ACOT12: variants seen among roughly 807,000 people sequenced by gnomAD.
ACOT12 encodes the protein acyl-CoA thioesterase 12, also known as acetyl-coenzyme A thioesterase.
ACOT12 carries 51 observed loss-of-function variants against 67.7 expected under a neutral mutation model. The observed-to-expected ratio is 0.75, with a 90% confidence interval of 0.60 to 0.95. The LOEUF (loss-of-function observed/expected upper bound fraction) is 0.95. ACOT12 is among the 40% of genes least tolerant of loss of function. ACOT12 has a pLI of 0.00. For missense variants in ACOT12, 734 were observed against 708.1 expected, an observed-to-expected ratio of 1.04 and a Z score of -0.41; for synonymous variants, 251 against 244.6, an observed-to-expected ratio of 1.03 and a Z score of -0.24.
At chr5:81,321,621 C>T in the ACOT12 span, among the ~76,000 whole-genome samples, 1 of 152,126 alleles carries the variant, frequency 6.6e-6, no homozygotes, top group Admixed American at 6.5e-5. Flanking sequence ...AAATATATAA[C>T]TGAAATTGAA....
At chr5:81,345,339 T>C (rs1561328496) in intron 7 of ACOT12, among the ~76,000 whole-genome samples, 1 of 152,120 alleles carries the variant, frequency 6.6e-6, no homozygotes, top group Non-Finnish European at 1.5e-5. Context: ...TTTGGCAATG[T>C]GGGGGAGGGC....
intron 11 of ACOT12, 70 bp from the exon 12 acceptor site, chr5:81,335,971 T>C (rs1758988001): frequency 1.4e-6 from 2 of 1,434,162 alleles, no homozygotes; most frequent in Non-Finnish European, 1.9e-6. Context: ...CATATGCATA[T>C]ATATGTAGTC....
chr5:81,371,523 G>C (rs1276804338), intron 3 of ACOT12, among the ~76,000 whole-genome samples: 1 of 152,142 alleles, frequency 6.6e-6, no homozygotes, highest in East Asian at 1.9e-4. Flanking sequence ...AAAGTGCTGG[G>C]ATTATAGGTG....
At position 81,368,861 on chromosome 5, in the gene ACOT12, A is replaced by G. The variant is rs147815074; in HGVS notation, c.258+2889T>C. Among the ~76,000 whole-genome samples the G allele has an allele frequency of 6.8e-3, 1,041 of 152,058 alleles. 4 individuals carry two copies. The highest frequency in any genetic ancestry group is 0.034 in the Middle Eastern group (10 of 294). On this transcript the variant is annotated intron_variant, in intron 3 of 14. Transcript: ENST00000307624. Reference sequence around the variant, plus strand: ...AAAATAAATTAGACACAAAAATTATATATACTATATCATTCCATTTATACA... The same window carrying G: ...AAAATAAATTAGACACAAAAATTATGTATACTATATCATTCCATTTATACA...
Position 81,385,695 on chromosome 5 carries a change from A to G in ACOT12, c.197+62T>C. On this transcript the variant is annotated intron_variant, in intron 2 of 14. Coordinates refer to ENST00000307624, the MANE Select transcript of ACOT12 (RefSeq NM_130767.3). ...GCCTGAATAAGCTCAGGTGCCACCA[A>G]TACATGTCCCAGATGAACCCACAAA... The G allele has an allele frequency of 4.6e-6, 7 of 1,507,524 alleles. No homozygotes were observed. In the South Asian group the frequency reaches 5.7e-5, roughly 12 times the overall value. The allele number at this position is 1,507,524 out of a possible 1,614,324, so 93.4% of individuals were successfully genotyped here.
At chr5:81,312,759 A>G in the ACOT12 span, 14 of 844,098 alleles carry the variant, frequency 1.7e-5, no homozygotes, top group East Asian at 2.0e-4. Flanking sequence ...AGCCAGGACT[A>G]TGCTGTAGAT....
chr5:81,343,715 A>G (rs1759277692), intron 10 of ACOT12, 103 bp downstream of exon 10: 3 of 1,117,986 alleles, frequency 2.7e-6, no homozygotes, highest in Admixed American at 4.8e-5. Context: ...CCACCTTTTC[A>G]CATAGCCTGC....
the ACOT12 span, among the ~76,000 whole-genome samples, chr5:81,322,856 G>A: frequency 1.6e-4 from 24 of 152,036 alleles, no homozygotes; most frequent in Non-Finnish European, 3.4e-4. Context: ...ATCAGATCTC[G>A]TGAGACTCAC....
chr5:81,334,724 G>T (rs1414964615), intron 12 of ACOT12, among the ~76,000 whole-genome samples: 1 of 152,218 alleles, frequency 6.6e-6, no homozygotes, highest in Non-Finnish European at 1.5e-5. Context: ...CAACTCTTCC[G>T]TGTCAACAAG....
chr5:81,371,657 C>T, intron 3 of ACOT12, 93 bp downstream of exon 3: 1 of 1,244,372 alleles, frequency 8.0e-7, no homozygotes, highest in South Asian at 1.3e-5. Flanking sequence ...ATCTCACTAA[C>T]TCCAAATATT....
At chr5:81,386,994 CATTTTTTTTTTT>C (rs1322007996) in intron 1 of ACOT12, among the ~76,000 whole-genome samples, 1 of 128,480 alleles carries the variant, frequency 7.8e-6, no homozygotes, top group African/African-American at 3.2e-5. Flanking sequence ...GGATGAGTTC[CATTTTTTTTTTT>C]TTTTTTTTTT....
At position 81,364,987 on chromosome 5, in the gene ACOT12, AT is replaced by A. The variant is rs137985623; in HGVS notation, c.259-1099del. On this transcript the variant is annotated intron_variant, in intron 3 of 14. Coordinates refer to ENST00000307624, the MANE Select transcript of ACOT12 (RefSeq NM_130767.3). ...ATTTACAGCTTTGTTTCTGTGATTAATTTTTCAGGAGTAATAAGAAGGTAGC... is the reference window on the plus strand; with the variant it reads ...ATTTACAGCTTTGTTTCTGTGATTAATTTTCAGGAGTAATAAGAAGGTAGC... Among the ~76,000 whole-genome samples the A allele has an allele frequency of 8.8e-3, 1,341 of 152,182 alleles. 11 individuals carry two copies. Among genetic ancestry groups the A allele is most frequent in the Non-Finnish European group, 0.014 (944 of 68,008 alleles).
intron 13 of ACOT12, among the ~76,000 whole-genome samples, chr5:81,331,581 C>A (rs891193768): frequency 6.6e-6 from 1 of 152,160 alleles, no homozygotes; most frequent in Non-Finnish European, 1.5e-5. Flanking sequence ...AAACTCTCAA[C>A]AATAGAGAAC....
At chr5:81,382,983 A>G (rs1318334265) in intron 2 of ACOT12, among the ~76,000 whole-genome samples, 3 of 152,180 alleles carry the variant, frequency 2.0e-5, no homozygotes, top group African/African-American at 7.2e-5. Flanking sequence ...AAAATAAATG[A>G]AGAAGAAATG....
intron 2 of ACOT12, among the ~76,000 whole-genome samples, chr5:81,380,662 T>A (rs1207939454): frequency 6.6e-6 from 1 of 151,828 alleles, no homozygotes; most frequent in Non-Finnish European, 1.5e-5. Flanking sequence ...TGAAATATTA[T>A]TTGTAATAGC....
chr5:81,352,858 A>G (rs747117868), intron 5 of ACOT12, among the ~76,000 whole-genome samples: 1 of 152,124 alleles, frequency 6.6e-6, no homozygotes, highest in Non-Finnish European at 1.5e-5. Flanking sequence ...AAATATATAC[A>G]CCTACTGTGT....
chr5:81,321,003 C>T, the ACOT12 span, among the ~76,000 whole-genome samples: 1 of 151,316 alleles, frequency 6.6e-6, no homozygotes, highest in African/African-American at 2.4e-5. Flanking sequence ...CGTCTGTAAT[C>T]CTAGCACTCT....
At chr5:81,377,033 T>TA (rs1277850026) in intron 2 of ACOT12, among the ~76,000 whole-genome samples, 1 of 151,644 alleles carries the variant, frequency 6.6e-6, no homozygotes, top group Non-Finnish European at 1.5e-5. Context: ...AGAGACACAA[T>TA]AAAAAAAGAA....
intron 12 of ACOT12, among the ~76,000 whole-genome samples, chr5:81,333,337 T>G (rs545886493): frequency 1.5e-4 from 23 of 152,246 alleles, no homozygotes; most frequent in Non-Finnish European, 2.6e-4. Context: ...CCGCACTAGC[T>G]TTGGAGTCAC....
Sources: gnomAD v4.1 joint callset for allele counts (sites outside exome capture counted in the v4.1 genomes callset) on GRCh38, gnomAD v4.1.1 for gene constraint, MANE v1.5 for transcripts, NCBI Gene and HGNC (gene_info 2026-07-23, HGNC 2026-07-21) for gene names.